DPP6: variants seen among roughly 807,000 people sequenced by gnomAD.
DPP6 encodes the protein dipeptidyl peptidase like 6.
Under a neutral mutation model 122.6 loss-of-function variants are expected in DPP6, and 69 were observed. The observed-to-expected ratio is 0.56, with a 90% CI of 0.46 to 0.69. DPP6 has a LOEUF of 0.69. Among genes scored for constraint, DPP6 ranks in the 30% least tolerant of loss-of-function variants. The pLI, the probability that DPP6 is intolerant of heterozygous loss-of-function variation, is 0.00. For synonymous variants in DPP6, 418 were observed against 433.1 expected, an observed-to-expected ratio of 0.97 and a Z score of 0.43; for missense variants, 928 against 1,116.9, an observed-to-expected ratio of 0.83 and a Z score of 2.41.
the DPP6 span, among the ~76,000 whole-genome samples, chr7:153,795,416 TAAAG>T: frequency 3.8e-3 from 575 of 152,274 alleles, 4 homozygotes; most frequent in South Asian, 0.029. Flanking sequence ...TATCTCAAAA[TAAAG>T]AAAGAAAGAA....
intron 1 of DPP6, among the ~76,000 whole-genome samples, chr7:154,207,925 A>AT: frequency 6.6e-6 from 1 of 151,760 alleles, no homozygotes; most frequent in East Asian, 1.9e-4. Context: ...ACTGCACTCC[A>AT]GCCTGGGCAA....
chr7:153,791,267 A>G, the DPP6 span, among the ~76,000 whole-genome samples: 7 of 151,790 alleles, frequency 4.6e-5, no homozygotes, highest in African/African-American at 1.7e-4. Context: ...ATGCAATGTC[A>G]CTGACACTTT....
At chr7:154,374,905 C>A (rs543967368) in intron 1 of DPP6, among the ~76,000 whole-genome samples, 63 of 152,192 alleles carry the variant, frequency 4.1e-4, no homozygotes, top group Non-Finnish European at 7.8e-4. Context: ...AGCCACCGCG[C>A]CCGGCCGACA....
At chr7:154,477,549 G>T (rs1004511956) in intron 3 of DPP6, among the ~76,000 whole-genome samples, 1 of 150,924 alleles carries the variant, frequency 6.6e-6, no homozygotes, top group Non-Finnish European at 1.5e-5. Flanking sequence ...AAAAGTATAT[G>T]TAGAGATGTG....
chr7:154,352,495 A>C (rs1810950225), intron 1 of DPP6, among the ~76,000 whole-genome samples: 1 of 152,128 alleles, frequency 6.6e-6, no homozygotes, highest in African/African-American at 2.4e-5. Flanking sequence ...AAAATTAAAG[A>C]CAAATTAAAA....
intron 3 of DPP6, chr7:154,475,358 A>G: frequency 2.7e-6 from 1 of 369,480 alleles, no homozygotes; most frequent in Non-Finnish European, 5.3e-6. Context: ...GGTGTTGCTT[A>G]GCAACAGGAA....
At chr7:154,747,120 T>A (rs1437127044) in intron 8 of DPP6, among the ~76,000 whole-genome samples, 1 of 152,186 alleles carries the variant, frequency 6.6e-6, no homozygotes, top group Non-Finnish European at 1.5e-5. Flanking sequence ...CTCTGAGTAA[T>A]CACCCTTCAG....
At chr7:154,319,415 T>G (rs765975341) in intron 1 of DPP6, among the ~76,000 whole-genome samples, 2 of 152,200 alleles carry the variant, frequency 1.3e-5, no homozygotes, top group Non-Finnish European at 2.9e-5. Context: ...AACATGAGAC[T>G]GGGCATGGTG....
At chr7:153,931,418 G>A (rs1261246774) in intron 1 of DPP6, among the ~76,000 whole-genome samples, 1 of 152,158 alleles carries the variant, frequency 6.6e-6, no homozygotes, top group Non-Finnish European at 1.5e-5. Context: ...AAGCTTGACA[G>A]TCTTACCATG....
intron 1 of DPP6, among the ~76,000 whole-genome samples, chr7:153,940,644 C>T (rs979008581): frequency 6.6e-6 from 1 of 152,110 alleles, no homozygotes; most frequent in African/African-American, 2.4e-5. Flanking sequence ...CCTTGCATCT[C>T]CCTGTAGGAC....
At position 154,269,531 on chromosome 7, in the gene DPP6, A is replaced by G. The variant is rs537261205; in HGVS notation, c.244-176683A>G. ...GTTTAGCCACACAGAGCCCATGAGA[A>G]CAAGCTTTGCACTTAGATATGCTGT... On this transcript the variant is annotated intron_variant, in intron 1 of 25. Transcript: ENST00000377770. 1.4e-4 allele frequency among the ~76,000 whole-genome samples: 22 copies of G among 152,292 alleles called. No homozygotes were observed. The East Asian group carries it at 4.1e-3, about 28-fold the overall frequency.
At chr7:154,134,349 T>A (rs1795435251) in intron 1 of DPP6, among the ~76,000 whole-genome samples, 1 of 152,092 alleles carries the variant, frequency 6.6e-6, no homozygotes, top group African/African-American at 2.4e-5. Context: ...CCTGACATTA[T>A]CTGATGCTTC....
intron 3 of DPP6, among the ~76,000 whole-genome samples, chr7:154,528,413 G>A (rs551847391): frequency 4.5e-4 from 68 of 152,258 alleles, no homozygotes; most frequent in Admixed American, 9.8e-4. Flanking sequence ...CCATGCCTAC[G>A]CCTCCGTCCT....
At chr7:154,774,197 C>T (rs1439969765) in intron 10 of DPP6, among the ~76,000 whole-genome samples, 2 of 152,104 alleles carry the variant, frequency 1.3e-5, no homozygotes, top group Non-Finnish European at 2.9e-5. Flanking sequence ...CCAGGGACAA[C>T]TGGTCACTGG....
chr7:154,478,294 C>T (rs1442492816), intron 3 of DPP6, among the ~76,000 whole-genome samples: 1 of 151,976 alleles, frequency 6.6e-6, no homozygotes, highest in African/African-American at 2.4e-5. Context: ...TTTTTGAGTG[C>T]CCACAGTGTA....
At chr7:154,347,935 G>A (rs1670321661) in intron 1 of DPP6, among the ~76,000 whole-genome samples, 1 of 152,244 alleles carries the variant, frequency 6.6e-6, no homozygotes, top group Non-Finnish European at 1.5e-5. Flanking sequence ...CTTGAGGCAA[G>A]TGGACTTTGA....
At chr7:153,823,161 T>A in the DPP6 span, among the ~76,000 whole-genome samples, 1 of 152,004 alleles carries the variant, frequency 6.6e-6, no homozygotes, top group African/African-American at 2.4e-5. Flanking sequence ...AAAAGCCTTC[T>A]TACCACCTTA....
At chr7:154,333,282 CTTTGATG>C (rs2151042735) in intron 1 of DPP6, among the ~76,000 whole-genome samples, 2 of 151,562 alleles carry the variant, frequency 1.3e-5, no homozygotes, top group South Asian at 4.2e-4. Context: ...TGTTATTGGA[CTTTGATG>C]TTTGATTTCC....
chr7:153,920,561 CTCTTT>C lies in DPP6; in HGVS notation c.51+32829_51+32833del, dbSNP rs1268207940. ...TAGTCAACCTTTTTCTTTTATCTCT[CTCTTT>C]TTTTTTTTTTTTTTGAGATGGAGTC... On this transcript the variant is annotated intron_variant, in intron 1 of 25. Coordinates refer to the DPP6 transcript ENST00000404039. Among the ~76,000 whole-genome samples the C allele has an allele frequency of 2.4e-4, 15 of 62,480 alleles. 1 individual carries two copies. In the South Asian group the frequency reaches 7.4e-3, roughly 31 times the overall value. The allele number at this position is 62,480 out of a possible 152,430, so 41.0% of individuals were successfully genotyped here.
Sources: gnomAD v4.1 joint callset for allele counts (sites outside exome capture counted in the v4.1 genomes callset) on GRCh38, gnomAD v4.1.1 for gene constraint, MANE v1.5 for transcripts, NCBI Gene and HGNC (gene_info 2026-07-23, HGNC 2026-07-21) for gene names.